The following ADGB variants were observed in gnomAD, a reference collection of about 807,000 sequenced individuals.
ADGB encodes the protein androglobin, also known as calpain-7-like protein.
ADGB carries 172 observed loss-of-function variants against 210.5 expected under a neutral mutation model. That is an observed-to-expected ratio of 0.82 (90% confidence interval 0.72 to 0.93). The LOEUF (loss-of-function observed/expected upper bound fraction) is 0.93, where lower values mean the gene tolerates loss of function less well. Among genes scored for constraint, ADGB ranks in the 40% least tolerant of loss-of-function variants. The probability of loss-of-function intolerance (pLI) is 0.00; values close to 1 mark genes in which losing one functional copy is unlikely to be tolerated. For synonymous variants in ADGB, 658 were observed against 662.7 expected, an observed-to-expected ratio of 0.99 and a Z score of 0.11; for missense variants, 2,025 against 1,964.8, an observed-to-expected ratio of 1.03 and a Z score of -0.58.
chr6:146,640,965 A>G (rs9377012), intron 2 of ADGB, among the ~76,000 whole-genome samples: 44,405 of 151,790 alleles, frequency 0.29, 7,475 homozygotes, highest in Admixed American at 0.4. Context: ...AAGAGAAGAA[A>G]TCAAACATCT....
chr6:146,724,137 A>G (rs769967579), intron 17 of ADGB, 49 bp from the exon 18 acceptor site: 2 of 1,486,810 alleles, frequency 1.3e-6, no homozygotes, highest in South Asian at 2.7e-5. Context: ...AGTGAATGCC[A>G]ACTACACTTT....
intron 20 of ADGB, among the ~76,000 whole-genome samples, chr6:146,732,604 C>T (rs1777009846): frequency 6.6e-6 from 1 of 151,502 alleles, no homozygotes; most frequent in Non-Finnish European, 1.5e-5. Flanking sequence ...CCATTTTATA[C>T]TTAGATAATT....
At chr6:146,650,330 G>A (rs117023622) in intron 3 of ADGB, among the ~76,000 whole-genome samples, 3,397 of 152,100 alleles carry the variant, frequency 0.022, 47 homozygotes, top group Middle Eastern at 0.058. Context: ...AACACCAGTA[G>A]CTTAATAACA....
chr6:146,617,221 G>A (rs1780815942), intron 1 of ADGB, among the ~76,000 whole-genome samples: 2 of 151,874 alleles, frequency 1.3e-5, no homozygotes, highest in South Asian at 4.1e-4. Context: ...AAATGAGATT[G>A]CTTTCTTGAT....
intron 27 of ADGB, among the ~76,000 whole-genome samples, chr6:146,758,332 G>A (rs1283994420): frequency 6.6e-6 from 1 of 151,914 alleles, no homozygotes; most frequent in East Asian, 1.9e-4. Flanking sequence ...CAAAATCTTA[G>A]TGGGCACTTT....
At chr6:146,736,444 G>A in intron 22 of ADGB, 54 bp from the exon 23 acceptor site, 1 of 1,149,550 alleles carries the variant, frequency 8.7e-7, no homozygotes, top group Non-Finnish European at 1.2e-6. Flanking sequence ...TGGACAAGAT[G>A]ATCTTTCAGG....
At chr6:146,685,925 T>C (rs1298682710) in intron 10 of ADGB, 97 bp downstream of exon 10, 2 of 674,216 alleles carry the variant, frequency 3.0e-6, no homozygotes, top group East Asian at 3.4e-5. Flanking sequence ...CACATGAAAA[T>C]TTAATTAAAA....
chr6:146,709,049 A>G (rs1170576093), intron 13 of ADGB, among the ~76,000 whole-genome samples: 1 of 151,940 alleles, frequency 6.6e-6, no homozygotes, highest in Non-Finnish European at 1.5e-5. Flanking sequence ...CACCTCTAGA[A>G]TTTCTGTTTA....
intron 1 of ADGB, among the ~76,000 whole-genome samples, chr6:146,603,413 T>C (rs1024367606): frequency 6.6e-6 from 1 of 152,170 alleles, no homozygotes; most frequent in African/African-American, 2.4e-5. Context: ...GTTTAAGTAT[T>C]GACAGTATTA....
intron 13 of ADGB, among the ~76,000 whole-genome samples, chr6:146,706,849 T>TTG (rs1776579014): frequency 6.7e-6 from 1 of 150,286 alleles, no homozygotes; most frequent in Non-Finnish European, 1.5e-5. Context: ...CTTAGTGTTT[T>TTG]TTTTTTTTTT....
At chr6:146,608,258 TTTATTA>T (rs563744735) in intron 1 of ADGB, among the ~76,000 whole-genome samples, 1 of 151,746 alleles carries the variant, frequency 6.6e-6, no homozygotes, top group African/African-American at 2.4e-5. Flanking sequence ...GGTAGTGTGT[TTTATTA>T]TTATTATTAT....
chr6:146,647,249 C>T (rs911587091), intron 3 of ADGB, among the ~76,000 whole-genome samples: 1 of 151,818 alleles, frequency 6.6e-6, no homozygotes, highest in Middle Eastern at 3.4e-3. Flanking sequence ...TTTTTAGTCT[C>T]AGGGTTTTAA....
At chr6:146,741,008 T>A in intron 24 of ADGB, 110 bp from the exon 25 acceptor site, 1 of 771,766 alleles carries the variant, frequency 1.3e-6, no homozygotes, top group Non-Finnish European at 1.9e-6. Flanking sequence ...GTGTGCCTTT[T>A]AGTTATTTGG....
chr6:146,681,770 C>G (rs1776161279), intron 9 of ADGB, among the ~76,000 whole-genome samples: 4 of 152,046 alleles, frequency 2.6e-5, no homozygotes. Context: ...AAATATTGGA[C>G]CTGCAAACAT....
chr6:146,599,206 C>A, intron 1 of ADGB, 92 bp downstream of exon 1: 1 of 1,234,248 alleles, frequency 8.1e-7, no homozygotes, highest in Non-Finnish European at 1.2e-6. Context: ...CAAACTGTGC[C>A]AGGGCAGAAG....
At chr6:146,613,196 A>G (rs912016609) in intron 1 of ADGB, among the ~76,000 whole-genome samples, 2 of 152,334 alleles carry the variant, frequency 1.3e-5, no homozygotes, top group African/African-American at 4.8e-5. Flanking sequence ...TAAATGATGA[A>G]CTTTTAAAGT....
intron 33 of ADGB, among the ~76,000 whole-genome samples, chr6:146,797,376 T>TA (rs1404242167): frequency 6.6e-6 from 1 of 152,138 alleles, no homozygotes; most frequent in Non-Finnish European, 1.5e-5. Context: ...GAAGTCACTA[T>TA]ATGAAAAAGA....
rs571168098 is a variant in ADGB at position 146,749,551 on chromosome 6, G to T, written c.3366-2979G>T. Among the ~76,000 whole-genome samples, 4 of 152,266 alleles carry T rather than the reference G, an allele frequency of 2.6e-5. No individual in the cohort carries two copies. In the East Asian group the frequency reaches 7.7e-4, roughly 29 times the overall value. On this transcript the variant is annotated intron_variant, in intron 26 of 35. Transcript: ENST00000397944. ...TCAACACTGTCAAGTTCTCCTGAGAGGTAAAAGAAGATGAGAACTGAAGTT... is the reference window on the plus strand; with the variant it reads ...TCAACACTGTCAAGTTCTCCTGAGATGTAAAAGAAGATGAGAACTGAAGTT...
intron 13 of ADGB, among the ~76,000 whole-genome samples, chr6:146,711,268 T>G (rs967276381): frequency 1.3e-4 from 20 of 152,220 alleles, no homozygotes; most frequent in Non-Finnish European, 2.6e-4. Context: ...GAAGCATTAG[T>G]AGGTCTTTCC....
Sources: allele counts gnomAD v4.1 joint callset (sites outside exome capture counted in the v4.1 genomes callset), GRCh38; gene constraint gnomAD v4.1.1; transcripts MANE v1.5; gene names NCBI Gene and HGNC (gene_info 2026-07-23, HGNC 2026-07-21).